Variants in SLC26A8 observed in about 807,000 individuals in gnomAD.
SLC26A8 encodes the protein solute carrier family 26 member 8.
A neutral mutation model predicts 105.0 loss-of-function variants in SLC26A8; 70 were observed. The observed-to-expected ratio is 0.67, with a 90% CI of 0.55 to 0.81. The LOEUF (loss-of-function observed/expected upper bound fraction) is 0.81. Among genes scored for constraint, SLC26A8 ranks in the 40% least tolerant of loss-of-function variants. The pLI, the probability that SLC26A8 is intolerant of heterozygous loss-of-function variation, is 0.00. For missense variants in SLC26A8, 998 were observed against 1,181.8 expected (o/e 0.84, Z 2.28); for synonymous variants, 415 against 438.3 (o/e 0.95, Z 0.66).
intron 3 of SLC26A8, among the ~76,000 whole-genome samples, chr6:36,010,934 T>G (rs1202665901): frequency 6.6e-6 from 1 of 152,166 alleles, no homozygotes; most frequent in Non-Finnish European, 1.5e-5. Context: ...TAAATAAAGA[T>G]TTAAAAAGTT....
intron 16 of SLC26A8, 65 bp from the exon 17 acceptor site, chr6:35,955,585 C>G: frequency 6.4e-7 from 1 of 1,564,936 alleles, no homozygotes. Flanking sequence ...GGACTTGCAA[C>G]GATGCTATTT....
At chr6:35,953,013 C>CAAAAAAAAAAAAA (rs11364963) in intron 17 of SLC26A8, among the ~76,000 whole-genome samples, 2 of 63,744 alleles carry the variant, frequency 3.1e-5, no homozygotes, top group African/African-American at 6.1e-5. Flanking sequence ...GATGCTGTCT[C>CAAAAAAAAAAAAA]AAAAAAAAAA....
At chr6:35,951,101 A>ACCCCAACCCCCCCAGCCCACAAT in intron 19 of SLC26A8, 62 bp downstream of exon 19, 1 of 1,072,410 alleles carries the variant, frequency 9.3e-7, no homozygotes, top group Non-Finnish European at 1.3e-6. Context: ...ACCACCCCTC[A>ACCCCAACCCCCCCAGCCCACAAT]CCCATCCCCC....
In SLC26A8 at chr6:35,944,263, G is replaced by C. The variant is rs142704837; in HGVS notation, c.2550C>G (p.Ile850Met). 1.1e-4 allele frequency: 174 copies of C among 1,613,956 alleles called. No individual in the cohort carries two copies. Among genetic ancestry groups the C allele is most frequent in the Non-Finnish European group, 1.3e-4 (158 of 1,180,024 alleles). ...CCGACTCCTCTTCTACAGGCTGTTGGATCTTGATGAAGCCTGGACTTACAT... is the reference window on the plus strand; with the variant it reads ...CCGACTCCTCTTCTACAGGCTGTTGCATCTTGATGAAGCCTGGACTTACAT... ...QKNVSPGFIK[I>M]QQPVEEESEL... Residue 850 changes from isoleucine (I) to methionine (M), a missense_variant, in exon 20 of 20, where the codon ATC becomes ATG. Ile to Met is a conservative substitution (Grantham distance 10). Transcript: ENST00000490799.
At chr6:35,958,519 G>A (rs1772183114) in intron 16 of SLC26A8, among the ~76,000 whole-genome samples, 1 of 150,394 alleles carries the variant, frequency 6.6e-6, no homozygotes, top group Non-Finnish European at 1.5e-5. Flanking sequence ...GCCAGGTATG[G>A]TGCTCACCCC....
chr6:35,999,875 C>A, intron 4 of SLC26A8, 117 bp downstream of exon 4: 1 of 669,636 alleles, frequency 1.5e-6, no homozygotes, highest in Non-Finnish European at 2.6e-6. Context: ...GATAGAATGT[C>A]CACCTCCTGC....
intron 19 of SLC26A8, among the ~76,000 whole-genome samples, chr6:35,949,088 T>C (rs1771770349): frequency 6.6e-6 from 1 of 152,190 alleles, no homozygotes; most frequent in African/African-American, 2.4e-5. Context: ...GTAGCACTAA[T>C]GAACTAAGAT....
At chr6:35,989,518 ATCTC>A (rs1326673361) in intron 7 of SLC26A8, 1 of 152,184 alleles carries the variant, frequency 6.6e-6, no homozygotes, top group Non-Finnish European at 1.5e-5. Flanking sequence ...TGTGTCTAGT[ATCTC>A]TCTCTACTTT....
intron 16 of SLC26A8, among the ~76,000 whole-genome samples, chr6:35,957,857 C>T (rs1457008567): frequency 1.3e-5 from 2 of 152,112 alleles, no homozygotes; most frequent in East Asian, 1.9e-4. Flanking sequence ...CCGCCTGCCT[C>T]GGCCTCCCAA....
chr6:35,959,681 C>T, intron 15 of SLC26A8, 33 bp downstream of exon 15: 2 of 1,601,338 alleles, frequency 1.2e-6, no homozygotes, highest in Non-Finnish European at 1.7e-6. Context: ...GGGGAGTGGG[C>T]AGGTTGAGAA....
chr6:35,993,192 G>C (rs1360152510), intron 5 of SLC26A8, among the ~76,000 whole-genome samples: 1 of 125,496 alleles, frequency 8.0e-6, no homozygotes, highest in East Asian at 2.4e-4. Context: ...AGATTGGAGG[G>C]GGGGGTCTTG....
intron 5 of SLC26A8, among the ~76,000 whole-genome samples, chr6:35,996,740 T>TA (rs1218291416): frequency 2.6e-5 from 4 of 152,018 alleles, no homozygotes; most frequent in Non-Finnish European, 4.4e-5. Context: ...TGATAGAATA[T>TA]AAAGCAACTT....
intron 9 of SLC26A8, 39 bp downstream of exon 9, chr6:35,977,165 C>A: frequency 6.3e-7 from 1 of 1,579,034 alleles, no homozygotes; most frequent in Non-Finnish European, 8.6e-7. Context: ...GATTAAAGAA[C>A]AAAGAGTTAA....
chr6:36,012,058 T>A (rs973659678), intron 3 of SLC26A8, among the ~76,000 whole-genome samples, 175 bp downstream of exon 3: 9 of 152,234 alleles, frequency 5.9e-5, no homozygotes, highest in African/African-American at 2.2e-4. Flanking sequence ...CCAAGTCTTT[T>A]GGAACCACCC....
rs564547104 is a variant in SLC26A8, at chr6:35,959,996, C to T, written c.1639-190G>A. ...CGATCTTGGCTCACTGCAACCTCCG[C>T]CTCTCGGGTTCAAGCAATTCTCCTG... On this transcript the variant is annotated intron_variant, in intron 14 of 19. Coordinates refer to ENST00000490799, the MANE Select transcript of SLC26A8 (RefSeq NM_052961.4). 4.2e-5 allele frequency: 19 copies of T among 447,980 alleles called. No homozygotes were observed. The Admixed American group carries it at 4.4e-4, about 10-fold the overall frequency. 27.8% of individuals were successfully genotyped at this position (447,980 alleles called of 1,614,324 possible).
intron 19 of SLC26A8, 61 bp downstream of exon 19, chr6:35,951,102 C>CCCCAACCCCCCCAGCCCACAAAA: frequency 7.4e-7 from 1 of 1,356,462 alleles, no homozygotes. Context: ...CCACCCCTCA[C>CCCCAACCCCCCCAGCCCACAAAA]CCATCCCCCC....
intron 16 of SLC26A8, among the ~76,000 whole-genome samples, chr6:35,955,954 T>C (rs1390664080): frequency 6.6e-6 from 1 of 152,120 alleles, no homozygotes; most frequent in African/African-American, 2.4e-5. Context: ...CAAAAAGCAC[T>C]TGAAGGCTGG....
intron 11 of SLC26A8, among the ~76,000 whole-genome samples, chr6:35,964,966 C>CA (rs34171959): frequency 0.46 from 56,344 of 122,590 alleles, 11,593 homozygotes; most frequent in African/African-American, 0.59. Flanking sequence ...GACCATGTCT[C>CA]AAAAAAAAAA....
chr6:36,007,607 T>C lies in SLC26A8; in HGVS notation c.328+4626A>G, dbSNP rs1761726539. Reference sequence around the variant, plus strand: ...AAATTTAGATAAGCTGATTATAAAATGAATACGGAAGAATAGCTAAAACAA... The same window carrying C: ...AAATTTAGATAAGCTGATTATAAAACGAATACGGAAGAATAGCTAAAACAA... On this transcript the variant is annotated intron_variant, in intron 3 of 19. Coordinates refer to ENST00000490799, the MANE Select transcript of SLC26A8 (RefSeq NM_052961.4). Among the ~76,000 whole-genome samples the C allele has an allele frequency of 2.0e-5, 3 of 152,074 alleles. No homozygotes were observed. The South Asian group carries it at 6.2e-4, about 31-fold the overall frequency.
Sources: gnomAD v4.1 joint callset for allele counts (sites outside exome capture counted in the v4.1 genomes callset) on GRCh38, gnomAD v4.1.1 for gene constraint, MANE v1.5 for transcripts, NCBI Gene and HGNC (gene_info 2026-07-23, HGNC 2026-07-21) for gene names.